The following AFMID variants were observed in gnomAD, a reference collection of about 807,000 sequenced individuals.
AFMID encodes arylformamidase.
In AFMID, 39 loss-of-function variants were observed where a neutral mutation model predicts 47.5. The ratio of observed to expected loss-of-function variants is 0.82; its 90% CI spans 0.64 to 1.07. The LOEUF (loss-of-function observed/expected upper bound fraction) is 1.07, where lower values mean the gene tolerates loss of function less well. AFMID is among the 50% of genes least tolerant of loss of function. AFMID has a pLI of 0.00. For synonymous variants in AFMID, 130 were observed against 153.2 expected (o/e 0.85, Z 1.12); for missense variants, 375 against 387.5 (o/e 0.97, Z 0.27).
intron 1 of AFMID, 104 bp downstream of exon 1, chr17:78,187,537 G>T (rs575567079): frequency 1.5e-6 from 2 of 1,353,190 alleles, no homozygotes; most frequent in South Asian, 2.4e-5. Context: ...GAGCACTCCT[G>T]TGGGCATGCA....
rs2075822280 is a variant in AFMID, at chr17:78,187,401, A to C, written c.31A>C (p.Ser11Arg). The C allele has an allele frequency of 6.2e-7, 1 of 1,613,966 alleles. No homozygotes were observed. Among genetic ancestry groups the C allele is most frequent in the Non-Finnish European group, 8.5e-7 (1 of 1,179,972 alleles). Residue 11 changes from serine to arginine, a missense_variant, in exon 1 of 11, where the codon AGC (serine) becomes CGC (arginine). Coordinates refer to ENST00000409257, the MANE Select transcript of AFMID (RefSeq NM_001010982.5). ...GGATGTGTCTGGTGTGGGTTTCCCA[A>C]GCAAGGTTCCTTGGAAGAAGATGTC... Reference protein sequence around the residue: MMDVSGVGFPSKVPWKKMSAE... With the variant: MMDVSGVGFPRKVPWKKMSAE...
intron 1 of AFMID, among the ~76,000 whole-genome samples, chr17:78,190,059 T>C (rs1404457344): frequency 6.6e-6 from 1 of 151,788 alleles, no homozygotes; most frequent in Non-Finnish European, 1.5e-5. Flanking sequence ...CTTGAACTCC[T>C]GACCTCGTGA....
intron 1 of AFMID, among the ~76,000 whole-genome samples, chr17:78,189,990 C>T (rs144258058): frequency 0.013 from 1,997 of 151,498 alleles, 36 homozygotes; most frequent in South Asian, 0.079. Context: ...CGTCACCATG[C>T]CTGGTTAATT....
rs757059845 is a variant in AFMID at position 78,202,562 on chromosome 17, G to A, written c.218G>A (p.Gly73Glu). ...LLHVPYGDGE[G>E]EKVDIYFPDE... ...CATGTCCCCTATGGAGACGGCGAAG[G>A]GGAGAAAGTGGACATTTACTTCCCC... The change falls in exon 3 of 11, where the codon GGG (glycine) becomes GAG (glutamate). Residue 73 changes from glycine to glutamate, a missense_variant. Gly to Glu is a moderately conservative substitution (Grantham distance 98). Transcript: ENST00000409257. 1 of 1,614,156 alleles carries A rather than the reference G, an allele frequency of 6.2e-7. No homozygotes were observed. The highest frequency in any genetic ancestry group is 8.5e-7 in the Non-Finnish European group (1 of 1,180,028).
Position 78,207,665 on chromosome 17 carries a change from A to G in AFMID, c.*728A>G, listed in dbSNP as rs1248117167. 1 of 152,178 alleles carries G rather than the reference A, an allele frequency of 6.6e-6. No homozygotes were observed. Among genetic ancestry groups the G allele is most frequent in the Non-Finnish European group, 1.5e-5 (1 of 68,068 alleles). The allele number at this position is 152,178 out of a possible 1,614,324, so 9.4% of individuals were successfully genotyped here. A position where few individuals can be genotyped will look rare whatever the true frequency, so the allele number is the denominator to read the frequency against. ...CATGTAAAAATTATATAAAACGTAA[A>G]TTTCCATGTTGATAAATAAAGTTGT... On this transcript the variant is annotated 3_prime_UTR_variant, in exon 11 of 11. Transcript: ENST00000409257.
At position 78,205,183 on chromosome 17, in the gene AFMID, C is replaced by T. The variant is rs767826210; in HGVS notation, c.558C>T (p.Asn186=). ...ADWTKHGVTP[N]LRGFFLVSGV... Reference sequence around the variant, plus strand: ...GGACCAAGCATGGGGTCACGCCCAACCTCAGAGGTTTCCATGGGAGCTACA... The same window carrying T: ...GGACCAAGCATGGGGTCACGCCCAATCTCAGAGGTTTCCATGGGAGCTACA... Residue 186 remains asparagine, a synonymous_variant, in exon 7 of 11, where the codon AAC becomes AAT. Transcript: ENST00000409257. 24 of 1,611,114 alleles carry T rather than the reference C, an allele frequency of 1.5e-5. No homozygotes were observed. The highest frequency in any genetic ancestry group is 2.0e-5 in the Non-Finnish European group (24 of 1,178,830).
intron 2 of AFMID, among the ~76,000 whole-genome samples, chr17:78,196,664 G>A (rs1172029183): frequency 6.6e-6 from 1 of 151,554 alleles, no homozygotes; most frequent in African/African-American, 2.4e-5. Context: ...GGGCAACAAA[G>A]AATGAAACTC....
intron 2 of AFMID, chr17:78,192,546 T>C: frequency 2.2e-6 from 1 of 454,082 alleles, no homozygotes; most frequent in Non-Finnish European, 4.6e-6. Flanking sequence ...ACTCCCGACC[T>C]CAGGTCATCC....
Position 78,205,168 on chromosome 17 carries a change from T to C in AFMID, c.543T>C (p.His181=), listed in dbSNP as rs1436246865. The C allele has an allele frequency of 1.6e-5, 26 of 1,612,400 alleles. No individual in the cohort carries two copies. Among genetic ancestry groups the C allele is most frequent in the Non-Finnish European group, 2.2e-5 (26 of 1,179,428 alleles). ...TGCTCCTGGCCGACTGGACCAAGCA[T>C]GGGGTCACGCCCAACCTCAGAGGTT... ...AMMLLADWTK[H]GVTPNLRGFF... is the part of the protein sequence containing the mutation. The change falls in exon 7 of 11, where the codon CAT becomes CAC. Residue 181 remains histidine (H), a synonymous_variant. Transcript: ENST00000409257.
intron 4 of AFMID, 125 bp downstream of exon 4, chr17:78,202,876 C>A: frequency 8.4e-7 from 1 of 1,196,078 alleles, no homozygotes; most frequent in Non-Finnish European, 1.2e-6. Flanking sequence ...CTGTGTCTCA[C>A]AGCGCTGGAG....
At chr17:78,197,143 T>C in intron 2 of AFMID, 1 of 1,549,932 alleles carries the variant, frequency 6.5e-7, no homozygotes. Context: ...AGTCCATTTA[T>C]AGGCTTGAGA....
intron 1 of AFMID, among the ~76,000 whole-genome samples, chr17:78,189,314 C>G (rs994852369): frequency 1.3e-5 from 2 of 151,296 alleles, no homozygotes; most frequent in African/African-American, 4.9e-5. Context: ...CCTCCACCTC[C>G]CGAGTTCCAG....
chr17:78,188,059 G>A (rs989305030), intron 1 of AFMID, among the ~76,000 whole-genome samples: 2 of 151,184 alleles, frequency 1.3e-5, no homozygotes, highest in Non-Finnish European at 2.9e-5. Flanking sequence ...ATGTTTTTGG[G>A]TCTGTGCTTA....
chr17:78,205,780 G>C, intron 9 of AFMID, 42 bp downstream of exon 9: 1 of 1,604,182 alleles, frequency 6.2e-7, no homozygotes, highest in Non-Finnish European at 8.5e-7. Context: ...CGAGGGTCAT[G>C]TGGGCTCATT....
In AFMID at chr17:78,191,070, T is replaced by G; in HGVS notation, c.154+10T>G. 6.2e-7 allele frequency: 1 copy of G among 1,612,538 alleles called. No homozygotes were observed. The highest frequency in any genetic ancestry group is 1.7e-4 in the Middle Eastern group (1 of 6,046). ...CAGATAGGAATTGAAGGTACTAGTG[T>G]GACCTCTCCGTGGCCGCATTGGGTG... is the stretch of plus-strand genomic sequence containing the variant. On this transcript the variant is annotated intron_variant, in intron 2 of 10. Coordinates refer to ENST00000409257, the MANE Select transcript of AFMID (RefSeq NM_001010982.5).
rs1385351396 is a variant in AFMID, at chr17:78,205,519, G to T, written c.644+1G>T. On this transcript the variant is annotated splice_donor_variant, in intron 8 of 10. Transcript: ENST00000409257. LOFTEE classifies it high-confidence loss of function. ...AGAACGTTGCTCTCCAGCTGACCCT[G>T]TGAGTTACTTGGCCACCACCTCCCC... 1 of 1,614,170 alleles carries T rather than the reference G, an allele frequency of 6.2e-7. No individual in the cohort carries two copies. The highest frequency in any genetic ancestry group is 1.7e-5 in the Admixed American group (1 of 60,014).
intron 1 of AFMID, among the ~76,000 whole-genome samples, chr17:78,189,448 C>G (rs2075900466): frequency 1.3e-5 from 2 of 151,534 alleles, no homozygotes; most frequent in African/African-American, 4.8e-5. Context: ...GTCTCGAACT[C>G]CTGACCTCAG....
intron 10 of AFMID, 33 bp downstream of exon 10, chr17:78,206,083 T>C: frequency 6.3e-7 from 1 of 1,587,864 alleles, no homozygotes; most frequent in South Asian, 1.1e-5. Flanking sequence ...CCTTTCATGG[T>C]AGACAGCACA....
intron 2 of AFMID, among the ~76,000 whole-genome samples, chr17:78,191,387 C>G (rs1419228674): frequency 6.6e-6 from 1 of 152,100 alleles, no homozygotes; most frequent in Non-Finnish European, 1.5e-5. Flanking sequence ...GAGGAACGTT[C>G]CCCATCCGCT....
Sources: gnomAD v4.1 joint callset for allele counts (sites outside exome capture counted in the v4.1 genomes callset) on GRCh38, gnomAD v4.1.1 for gene constraint, MANE v1.5 for transcripts, NCBI Gene and HGNC (gene_info 2026-07-23, HGNC 2026-07-21) for gene names.